The following INTS8 variants were observed in gnomAD, a reference collection of about 807,000 sequenced individuals.
INTS8 encodes the protein protein kaonashi-1.
Under a neutral mutation model 138.9 loss-of-function variants are expected in INTS8, and 47 were observed. The ratio of observed to expected loss-of-function variants is 0.34; its 90% confidence interval spans 0.27 to 0.43. The LOEUF (loss-of-function observed/expected upper bound fraction) is 0.43. Among genes scored for constraint, INTS8 ranks in the 20% least tolerant of loss-of-function variants. The pLI, the probability that INTS8 is intolerant of heterozygous loss-of-function variation, is 1.00. For missense variants in INTS8, 996 were observed against 1,173.0 expected (o/e 0.85, Z 2.20); for synonymous variants, 392 against 400.9 (o/e 0.98, Z 0.27).
At chr8:94,871,203 C>G (rs575284057) in intron 20 of INTS8, among the ~76,000 whole-genome samples, 2 of 151,680 alleles carry the variant, frequency 1.3e-5, no homozygotes. Context: ...TGTGGTGGCT[C>G]AGGACTGTAA....
chr8:94,877,069 C>A (rs1341163531), intron 26 of INTS8, among the ~76,000 whole-genome samples: 2 of 152,114 alleles, frequency 1.3e-5, no homozygotes, highest in African/African-American at 4.8e-5. Context: ...GTATATTTTC[C>A]TAATATCTAT....
intron 9 of INTS8, among the ~76,000 whole-genome samples, chr8:94,841,844 G>C (rs1815145928): frequency 6.6e-6 from 1 of 152,046 alleles, no homozygotes; most frequent in African/African-American, 2.4e-5. Flanking sequence ...GAGGTGGGTG[G>C]ATCACTTGAG....
At position 94,838,292 on chromosome 8, in the gene INTS8, C is replaced by G. The variant is rs111421635; in HGVS notation, c.862-171C>G. On this transcript the variant is annotated intron_variant, in intron 7 of 26. Transcript: ENST00000523731. ...GTCTCGAACTCCCGACCTTGTGATC[C>G]GCCAGTCTCGGCCTCCCAAAGTGCT... 4.8e-3 allele frequency among the ~76,000 whole-genome samples: 738 copies of G among 152,220 alleles called. 6 individuals carry two copies. The highest frequency in any genetic ancestry group is 0.024 in the Middle Eastern group (7 of 294).
At chr8:94,859,799 A>T (rs1815886661) in intron 16 of INTS8, 167 bp downstream of exon 16, 22 of 571,604 alleles carry the variant, frequency 3.8e-5, no homozygotes, top group Middle Eastern at 4.8e-4. Context: ...CATGCACTTG[A>T]CCTTGTTCTA....
chr8:94,877,287 CTTATA>C (rs1161815332), intron 26 of INTS8, among the ~76,000 whole-genome samples: 1 of 152,120 alleles, frequency 6.6e-6, no homozygotes, highest in African/African-American at 2.4e-5. Flanking sequence ...TGCTCTTTCA[CTTATA>C]TTAATTTAAA....
At chr8:94,861,871 A>G (rs1816001524) in intron 16 of INTS8, among the ~76,000 whole-genome samples, 1 of 151,408 alleles carries the variant, frequency 6.6e-6, no homozygotes, top group African/African-American at 2.4e-5. Context: ...TGTTATCTTT[A>G]CACTTGCTCG....
At chr8:94,827,913 C>T (rs1814570866) in intron 4 of INTS8, 120 bp downstream of exon 4, 3 of 831,990 alleles carry the variant, frequency 3.6e-6, no homozygotes, top group East Asian at 4.8e-5. Context: ...GGGCAGAAGG[C>T]CTGTGTGAAG....
chr8:94,834,362 G>GGTGTGT (rs35147334), intron 6 of INTS8, among the ~76,000 whole-genome samples: 2,019 of 144,542 alleles, frequency 0.014, 21 homozygotes, highest in African/African-American at 0.025. Context: ...TATGTGCATG[G>GGTGTGT]GTGTGTGTGT....
At chr8:94,877,902 T>C (rs1480095157) in intron 26 of INTS8, among the ~76,000 whole-genome samples, 2 of 152,130 alleles carry the variant, frequency 1.3e-5, no homozygotes, top group Non-Finnish European at 2.9e-5. Context: ...CCTTCTCTGC[T>C]CATCTCAAAT....
intron 10 of INTS8, among the ~76,000 whole-genome samples, chr8:94,844,124 C>T (rs543660350): frequency 5.3e-5 from 8 of 151,748 alleles, no homozygotes; most frequent in Admixed American, 1.3e-4. Flanking sequence ...CTGCAACCTC[C>T]GCCTCCCAGG....
chr8:94,864,329 A>G (rs1261069632), intron 16 of INTS8, among the ~76,000 whole-genome samples: 1 of 152,128 alleles, frequency 6.6e-6, no homozygotes, highest in Non-Finnish European at 1.5e-5. Context: ...GGGGTTCCTG[A>G]TGGATTTGAA....
At chr8:94,847,736 A>T (rs371836536) in intron 10 of INTS8, among the ~76,000 whole-genome samples, 1 of 152,150 alleles carries the variant, frequency 6.6e-6, no homozygotes, top group Non-Finnish European at 1.5e-5. Flanking sequence ...TTCACATAAC[A>T]TGATCTGTTA....
intron 2 of INTS8, among the ~76,000 whole-genome samples, chr8:94,826,560 TA>T (rs1186404558): frequency 2.0e-5 from 3 of 152,188 alleles, no homozygotes; most frequent in Admixed American, 2.0e-4. Flanking sequence ...TGAACACTGA[TA>T]GGCTGTTTGA....
chr8:94,878,050 CTT>C (rs1816626448), intron 26 of INTS8, among the ~76,000 whole-genome samples: 2 of 152,188 alleles, frequency 1.3e-5, no homozygotes, highest in Admixed American at 1.3e-4. Context: ...TAGAACTACT[CTT>C]GATCAATATT....
intron 10 of INTS8, among the ~76,000 whole-genome samples, chr8:94,843,864 A>G (rs193221750): frequency 1.7e-3 from 261 of 152,286 alleles, no homozygotes; most frequent in African/African-American, 6.0e-3. Flanking sequence ...ATCCTTGTTA[A>G]CATTTGATAT....
At chr8:94,833,408 G>A (rs1814800642) in intron 6 of INTS8, among the ~76,000 whole-genome samples, 1 of 151,686 alleles carries the variant, frequency 6.6e-6, no homozygotes, top group Non-Finnish European at 1.5e-5. Flanking sequence ...TATAGAGACA[G>A]GGTCTCCCTA....
chr8:94,852,824 T>C, intron 13 of INTS8, among the ~76,000 whole-genome samples: 1 of 152,000 alleles, frequency 6.6e-6, no homozygotes, highest in Admixed American at 6.6e-5. Flanking sequence ...GGTCTCGAAC[T>C]CCTGACCTCC....
chr8:94,837,077 A>G (rs920735039), intron 7 of INTS8, among the ~76,000 whole-genome samples: 3 of 152,198 alleles, frequency 2.0e-5, no homozygotes, highest in African/African-American at 4.8e-5. Context: ...TGCCATGTCA[A>G]TGGTTATGTA....
chr8:94,870,637 T>C (rs1460850224), intron 20 of INTS8, among the ~76,000 whole-genome samples: 3 of 152,214 alleles, frequency 2.0e-5, no homozygotes, highest in African/African-American at 4.8e-5. Context: ...TGTAAGCCAA[T>C]CTAACTTATA....
Sources: gnomAD v4.1 joint callset for allele counts (sites outside exome capture counted in the v4.1 genomes callset) on GRCh38, gnomAD v4.1.1 for gene constraint, MANE v1.5 for transcripts, NCBI Gene and HGNC (gene_info 2026-07-23, HGNC 2026-07-21) for gene names.